Variants in ZFP64 observed in about 807,000 individuals in gnomAD.
ZFP64 encodes zinc finger protein 64.
A neutral mutation model predicts 51.6 loss-of-function variants in ZFP64; 14 were observed. That is an observed-to-expected ratio of 0.27 (90% CI 0.18 to 0.42). The LOEUF (loss-of-function observed/expected upper bound fraction) is 0.42. Ranked by LOEUF, ZFP64 falls within the 10% of genes least tolerant of loss-of-function variation. ZFP64 has a pLI of 1.00. For missense variants in ZFP64, 754 were observed against 906.8 expected, an observed-to-expected ratio of 0.83 and a Z score of 2.16; for synonymous variants, 375 against 361.4, an observed-to-expected ratio of 1.04 and a Z score of -0.43.
At chr20:52,136,096 C>CAAAAA (rs71192597) in intron 5 of ZFP64, among the ~76,000 whole-genome samples, 12 of 38,016 alleles carry the variant, frequency 3.2e-4, no homozygotes, top group African/African-American at 6.8e-4. Context: ...GAGACTCTCT[C>CAAAAA]AAAAAAAAAA....
At chr20:52,129,427 A>G (rs530418962) in intron 5 of ZFP64, among the ~76,000 whole-genome samples, 39 of 151,998 alleles carry the variant, frequency 2.6e-4, no homozygotes, top group Middle Eastern at 3.4e-3. Flanking sequence ...CCAAAATGCT[A>G]GGATTACAGG....
chr20:52,190,433 GGGA>G (rs1984284943), intron 1 of ZFP64, among the ~76,000 whole-genome samples: 1 of 145,422 alleles, frequency 6.9e-6, no homozygotes, highest in Non-Finnish European at 1.5e-5. Context: ...TCTGAAAAAT[GGGA>G]GGAGAGGTTT....
chr20:52,155,582 G>C (rs977626040), intron 5 of ZFP64, among the ~76,000 whole-genome samples: 1 of 151,948 alleles, frequency 6.6e-6, no homozygotes, highest in Non-Finnish European at 1.5e-5. Context: ...AAATCTCGCA[G>C]CTAAGTTGCA....
At chr20:52,115,229 G>A (rs1365708365) in intron 5 of ZFP64, among the ~76,000 whole-genome samples, 1 of 146,274 alleles carries the variant, frequency 6.8e-6, no homozygotes, top group African/African-American at 2.5e-5. Context: ...ACACCAGGCT[G>A]GATTTATGAA....
At chr20:52,119,576 AAC>A (rs138828393) in intron 5 of ZFP64, among the ~76,000 whole-genome samples, 109 of 132,358 alleles carry the variant, frequency 8.2e-4, no homozygotes, top group South Asian at 1.2e-3. Flanking sequence ...ATACACACAC[AAC>A]ACACACACAC....
Position 52,187,031 on chromosome 20 carries a change from G to A in ZFP64, c.87C>T (p.Asp29=), listed in dbSNP as rs376628667. The change falls in exon 2 of 6, where the codon GAC becomes GAT. Residue 29 remains aspartate (D), a synonymous_variant. Transcript: ENST00000216923. ...GTTVLVELTP[D]IHICGICKQQ... ...GCTTGCAGATGCCGCAGATATGGAT[G>A]TCGGGAGTCAGCTCCACCAGCACCG... The A allele has an allele frequency of 1.9e-6, 3 of 1,612,178 alleles. No individual in the cohort carries two copies. The highest frequency in any genetic ancestry group is 2.7e-5 in the African/African-American group (2 of 74,914).
In ZFP64 at chr20:52,153,516, A is replaced by C; in HGVS notation, c.764-88T>G. ...AAGCACACACCAGAAAATCGCTTAT[A>C]CAAGGTGGGTGGGTGCAGACCTCCT... is the stretch of plus-strand genomic sequence containing the variant. On this transcript the variant is annotated intron_variant, in intron 5 of 5. Transcript: ENST00000216923. The surrounding 1 kb of genome is among the most constrained non-coding windows in gnomAD (Gnocchi z 5.1). The C allele has an allele frequency of 2.0e-6, 3 of 1,495,574 alleles. No individual in the cohort carries two copies. Among genetic ancestry groups the C allele is most frequent in the Non-Finnish European group, 2.7e-6 (3 of 1,120,760 alleles). The allele number at this position is 1,495,574 out of a possible 1,614,324, so 92.6% of individuals were successfully genotyped here. A position where few individuals can be genotyped will look rare whatever the true frequency, so the allele number is the denominator to read the frequency against.
At chr20:52,121,408 C>T (rs756861778) in intron 5 of ZFP64, among the ~76,000 whole-genome samples, 27 of 152,114 alleles carry the variant, frequency 1.8e-4, no homozygotes, top group Non-Finnish European at 2.6e-4. Context: ...GTGAACCAGC[C>T]GGATTTTTGA....
intron 5 of ZFP64, among the ~76,000 whole-genome samples, chr20:52,101,380 ATT>A (rs5841878): frequency 6.6e-6 from 1 of 151,424 alleles, no homozygotes; most frequent in Non-Finnish European, 1.5e-5. Flanking sequence ...GGGACTTGCG[ATT>A]TTTTTTTGAG....
chr20:52,094,652 A>G (rs6096747), intron 7 of ZFP64, among the ~76,000 whole-genome samples: 64,122 of 152,078 alleles, frequency 0.42, 15,367 homozygotes, highest in African/African-American at 0.66. Context: ...CCAGCTATTC[A>G]AGAAGCAGAG....
chr20:52,174,804 G>T (rs1983051195), intron 2 of ZFP64, among the ~76,000 whole-genome samples: 1 of 152,032 alleles, frequency 6.6e-6, no homozygotes, highest in Admixed American at 6.6e-5. Context: ...GGGTTAAAAT[G>T]GTACAGATGT....
Position 52,151,421 on chromosome 20 carries a change from T to A in ZFP64, c.*725A>T. ...CCAACAGACTTACATGTATAAAACATGAACACCCCCAAACTCTGGGGAGTA... is the reference window on the plus strand; with the variant it reads ...CCAACAGACTTACATGTATAAAACAAGAACACCCCCAAACTCTGGGGAGTA... On this transcript the variant is annotated 3_prime_UTR_variant, in exon 6 of 6. Coordinates refer to ENST00000216923, the MANE Select transcript of ZFP64 (RefSeq NM_018197.3). The A allele has an allele frequency of 1.0e-6, 1 of 985,372 alleles. No homozygotes were observed. The highest frequency in any genetic ancestry group is 1.2e-6 in the Non-Finnish European group (1 of 829,928). The allele number at this position is 985,372 out of a possible 1,614,324, so 61.0% of individuals were successfully genotyped here. A position where few individuals can be genotyped will look rare whatever the true frequency, so the allele number is the denominator to read the frequency against.
At chr20:52,100,853 T>C (rs2079042916) in intron 5 of ZFP64, among the ~76,000 whole-genome samples, 2 of 152,210 alleles carry the variant, frequency 1.3e-5, no homozygotes, top group South Asian at 2.1e-4. Flanking sequence ...TGAAAAAATA[T>C]ATAAGTTCTC....
downstream of ZFP64, among the ~76,000 whole-genome samples, chr20:52,149,274 G>GAAA (rs555406373): frequency 1.0e-5 from 1 of 96,790 alleles, no homozygotes; most frequent in Non-Finnish European, 2.2e-5. Flanking sequence ...TCTACTTACA[G>GAAA]AAAAAAAAAA....
intron 7 of ZFP64, among the ~76,000 whole-genome samples, chr20:52,090,081 G>T (rs565350497): frequency 6.6e-6 from 1 of 152,172 alleles, no homozygotes; most frequent in Non-Finnish European, 1.5e-5. Context: ...ACGAAAGCTC[G>T]TTCTAGATGG....
At chr20:52,097,309 A>G in intron 7 of ZFP64, 1 of 1,525,158 alleles carries the variant, frequency 6.6e-7, no homozygotes, top group Non-Finnish European at 9.0e-7. Context: ...CTGTGTCCCT[A>G]GCGCTTAATT....
Position 52,152,680 on chromosome 20 carries a change from C to A in ZFP64, c.1512G>T (p.Gln504His). The A allele has an allele frequency of 6.5e-7, 1 of 1,545,922 alleles. No individual in the cohort carries two copies. ...GGACGATGGTGTTCGCCTGGGGCAC[C>A]TGATGCCCAACGATGATTTTGACTC... is the stretch of plus-strand genomic sequence containing the variant. ...EGRVKIIVGH[Q>H]VPQANTIVQA... Residue 504 changes from glutamine (Q) to histidine (H), a missense_variant, in exon 6 of 6, where the codon CAG (glutamine) becomes CAT (histidine). Gln to His is a conservative substitution (Grantham distance 24, BLOSUM62 0). This residue lies in a region of ZFP64 where 428 missense variants were observed against 472.4 expected (regional missense o/e 0.91). Transcript: ENST00000216923.
chr20:52,183,575 C>G (rs1413240848), intron 2 of ZFP64, among the ~76,000 whole-genome samples: 1 of 152,150 alleles, frequency 6.6e-6, no homozygotes, highest in Admixed American at 6.5e-5. Flanking sequence ...TAGGTCCTAC[C>G]AGGCCCACTT....
At chr20:52,113,055 C>T (rs1568953274) in intron 5 of ZFP64, among the ~76,000 whole-genome samples, 1 of 152,124 alleles carries the variant, frequency 6.6e-6, no homozygotes, top group East Asian at 1.9e-4. Flanking sequence ...AGACAGGAGG[C>T]AGGGCGCTGT....
Sources: allele counts gnomAD v4.1 joint callset (sites outside exome capture counted in the v4.1 genomes callset), GRCh38; gene constraint gnomAD v4.1.1; regional missense constraint gnomAD v4.1.1; non-coding constraint Gnocchi (gnomAD v3.1); transcripts MANE v1.5; gene names NCBI Gene and HGNC (gene_info 2026-07-23, HGNC 2026-07-21).